The following FOXN3 variants were observed in gnomAD, a reference collection of about 807,000 sequenced individuals.
The protein encoded by FOXN3 is forkhead box protein N3.
Under a neutral mutation model 38.4 loss-of-function variants are expected in FOXN3, and 7 were observed. That is an observed-to-expected ratio of 0.18 (90% confidence interval 0.10 to 0.34). FOXN3 has a LOEUF of 0.34. Ranked by LOEUF, FOXN3 falls within the 10% of genes least tolerant of loss-of-function variation. The pLI is 1.00. For synonymous variants in FOXN3, 230 were observed against 242.2 expected (o/e 0.95, Z 0.47); for missense variants, 456 against 613.4 (o/e 0.74, Z 2.71).
In FOXN3 at chr14:89,518,308, C is replaced by T. The variant is rs551895718; in HGVS notation, c.-15+100720G>A. 7.2e-5 allele frequency among the ~76,000 whole-genome samples: 11 copies of T among 152,268 alleles called. No individual in the cohort carries two copies. In the South Asian group the frequency reaches 1.9e-3, roughly 26 times the overall value. On this transcript the variant is annotated intron_variant, in intron 1 of 6. Coordinates refer to the FOXN3 transcript ENST00000345097. ...ACTTCTATGTGCTTCTGCTACTTTG[C>T]GGTCATATCTTTTTCTCTGATCAGC...
At chr14:89,524,608 C>G (rs574446271) in intron 1 of FOXN3, among the ~76,000 whole-genome samples, 26 of 151,500 alleles carry the variant, frequency 1.7e-4, no homozygotes, top group African/African-American at 5.8e-4. Context: ...TGACAAATAT[C>G]AGGAAAGAAA....
At chr14:89,415,822 TG>T (rs1437606501) in intron 1 of FOXN3, among the ~76,000 whole-genome samples, 1 of 126,292 alleles carries the variant, frequency 7.9e-6, no homozygotes, top group Non-Finnish European at 1.8e-5. Flanking sequence ...AGTTATTCAC[TG>T]GTGACCTCCT....
intron 1 of FOXN3, among the ~76,000 whole-genome samples, chr14:89,608,666 G>A (rs1481792269): frequency 6.6e-6 from 1 of 152,138 alleles, no homozygotes; most frequent in Non-Finnish European, 1.5e-5. Context: ...TAGGGACCCT[G>A]AGTTTGTTCC....
rs2139795836 is a variant in FOXN3, at chr14:89,180,821, G to A, written c.746-15C>T. ...TCCTGGAGGAACTGAAAAAGCAAAG[G>A]GGAGAAAGACACCGCACGTGAATTC... On this transcript the variant is annotated splice_polypyrimidine_tract_variant and intron_variant, in intron 4 of 5. Transcript: ENST00000557258. 2 of 1,593,814 alleles carry A rather than the reference G, an allele frequency of 1.3e-6. No homozygotes were observed. Among genetic ancestry groups the A allele is most frequent in the East Asian group, 4.5e-5 (2 of 44,248 alleles).
At chr14:89,216,109 T>C (rs1884272991) in intron 4 of FOXN3, among the ~76,000 whole-genome samples, 1 of 152,174 alleles carries the variant, frequency 6.6e-6, no homozygotes, top group African/African-American at 2.4e-5. Flanking sequence ...CCTAGGCTGA[T>C]GTATCCTAGT....
intron 4 of FOXN3, among the ~76,000 whole-genome samples, chr14:89,197,861 T>C (rs1265435751): frequency 6.6e-6 from 1 of 152,230 alleles, no homozygotes; most frequent in Admixed American, 6.5e-5. Context: ...AAATGAAGGA[T>C]GCCATCCAAA....
At chr14:89,581,834 C>G (rs917311987) in intron 1 of FOXN3, among the ~76,000 whole-genome samples, 3 of 152,164 alleles carry the variant, frequency 2.0e-5, no homozygotes, top group Non-Finnish European at 4.4e-5. Context: ...TTTTTGTATT[C>G]TCAATTCCTA....
At chr14:89,176,138 G>C (rs1237132610) in intron 5 of FOXN3, among the ~76,000 whole-genome samples, 1 of 152,184 alleles carries the variant, frequency 6.6e-6, no homozygotes, top group Non-Finnish European at 1.5e-5. Context: ...AACGTCTAAG[G>C]ATGGGCCAAT....
At chr14:89,520,397 G>C (rs1002314214) in intron 1 of FOXN3, among the ~76,000 whole-genome samples, 1 of 152,124 alleles carries the variant, frequency 6.6e-6, no homozygotes, top group African/African-American at 2.4e-5. Context: ...TTTAAAATCT[G>C]GATAGAAACC....
At chr14:89,524,388 AAAAAAAAAAAAAAAAG>A (rs770610267) in intron 1 of FOXN3, among the ~76,000 whole-genome samples, 1,304 of 99,606 alleles carry the variant, frequency 0.013, 46 homozygotes, top group African/African-American at 0.024. Flanking sequence ...AAAAAAAAAA[AAAAAAAAAAAAAAAAG>A]AAAGAAAGAA....
At chr14:89,175,241 A>G (rs188860769) in intron 5 of FOXN3, among the ~76,000 whole-genome samples, 1 of 152,370 alleles carries the variant, frequency 6.6e-6, no homozygotes, top group East Asian at 1.9e-4. Context: ...CTGGAGATCC[A>G]AATAAAATTA....
intron 4 of FOXN3, among the ~76,000 whole-genome samples, chr14:89,214,505 G>T (rs1401608537): frequency 6.6e-6 from 1 of 152,212 alleles, no homozygotes; most frequent in East Asian, 1.9e-4. Flanking sequence ...TCAGGAACCT[G>T]CCTATTTTGT....
intron 1 of FOXN3, among the ~76,000 whole-genome samples, chr14:89,551,906 C>T (rs755693721): frequency 2.0e-5 from 3 of 152,138 alleles, no homozygotes; most frequent in Non-Finnish European, 2.9e-5. Context: ...TTTAATCTCA[C>T]GCCACAGCAA....
At chr14:89,332,828 T>C (rs1888289020) in intron 3 of FOXN3, among the ~76,000 whole-genome samples, 1 of 151,976 alleles carries the variant, frequency 6.6e-6, no homozygotes, top group African/African-American at 2.4e-5. Context: ...ATATCCACAA[T>C]AGAAAGGCAC....
chr14:89,487,055 T>C (rs1261700421), intron 1 of FOXN3, among the ~76,000 whole-genome samples: 1 of 152,196 alleles, frequency 6.6e-6, no homozygotes, highest in Non-Finnish European at 1.5e-5. Flanking sequence ...AAGGCCAGCA[T>C]TCCACCCCAC....
chr14:89,186,623 C>T (rs1454404071), intron 4 of FOXN3, among the ~76,000 whole-genome samples: 5 of 152,178 alleles, frequency 3.3e-5, no homozygotes, highest in African/African-American at 1.2e-4. Context: ...ATGTCCCATG[C>T]TGACTGTTCT....
At chr14:89,402,010 C>T (rs1803597125) in intron 2 of FOXN3, among the ~76,000 whole-genome samples, 1 of 152,178 alleles carries the variant, frequency 6.6e-6, no homozygotes. Flanking sequence ...CACACATACA[C>T]AAATCAAAGA....
At chr14:89,267,563 A>G (rs1045102796) in intron 4 of FOXN3, among the ~76,000 whole-genome samples, 1 of 152,212 alleles carries the variant, frequency 6.6e-6, no homozygotes, top group African/African-American at 2.4e-5. Context: ...TACTTAGGAA[A>G]AATAATAATA....
chr14:89,464,691 T>TTTTTG (rs1000514215), intron 1 of FOXN3, among the ~76,000 whole-genome samples: 3 of 151,688 alleles, frequency 2.0e-5, no homozygotes, highest in South Asian at 2.1e-4. Flanking sequence ...TGCTTTTCTG[T>TTTTTG]TTTTGTTTTG....
Sources: gnomAD v4.1 joint callset for allele counts (sites outside exome capture counted in the v4.1 genomes callset) on GRCh38, gnomAD v4.1.1 for gene constraint, MANE v1.5 for transcripts, NCBI Gene and HGNC (gene_info 2026-07-23, HGNC 2026-07-21) for gene names.